Variants in MAP3K5 observed in about 807,000 individuals in gnomAD.
MAP3K5 encodes mitogen-activated protein kinase kinase kinase 5, also known as ASK-1.
MAP3K5 carries 56 observed loss-of-function variants against 158.7 expected under a neutral mutation model. That is an observed-to-expected ratio of 0.35 (90% CI 0.28 to 0.44). MAP3K5 has a LOEUF of 0.44. Ranked by LOEUF, MAP3K5 falls within the 20% of genes least tolerant of loss-of-function variation. The pLI is 1.00. For missense variants in MAP3K5, 1,294 were observed against 1,674.8 expected (o/e 0.77, Z 3.97); for synonymous variants, 579 against 601.7 (o/e 0.96, Z 0.55).
intron 2 of MAP3K5, among the ~76,000 whole-genome samples, chr6:136,707,532 T>C (rs1781128694): frequency 6.7e-6 from 1 of 149,056 alleles, no homozygotes; most frequent in Non-Finnish European, 1.5e-5. Flanking sequence ...TGGGGACCTA[T>C]GGAAGAGTGA....
chr6:136,718,127 G>A (rs1477848100), intron 2 of MAP3K5, among the ~76,000 whole-genome samples: 1 of 152,144 alleles, frequency 6.6e-6, no homozygotes, highest in Non-Finnish European at 1.5e-5. Flanking sequence ...ATTTCTTTGA[G>A]CTTCGGTTTG....
At chr6:136,594,577 A>T (rs1435085720) in intron 21 of MAP3K5, among the ~76,000 whole-genome samples, 1 of 152,212 alleles carries the variant, frequency 6.6e-6, no homozygotes, top group African/African-American at 2.4e-5. Context: ...TGATCTCTTT[A>T]CAAGAAGGGA....
chr6:136,788,313 ACCATAAGAGT>A (rs2115067131), intron 1 of MAP3K5, among the ~76,000 whole-genome samples: 1 of 152,310 alleles, frequency 6.6e-6, no homozygotes, highest in East Asian at 1.9e-4. Context: ...AAGACCTCAA[ACCATAAGAGT>A]CCTAGAAGAA....
intron 2 of MAP3K5, among the ~76,000 whole-genome samples, chr6:136,715,261 G>T (rs1339009082): frequency 6.6e-6 from 1 of 152,040 alleles, no homozygotes; most frequent in African/African-American, 2.4e-5. Flanking sequence ...ATAGAAAAAA[G>T]ACACTAAAAA....
At chr6:136,582,010 G>C (rs1243549935) in intron 24 of MAP3K5, among the ~76,000 whole-genome samples, 1 of 151,976 alleles carries the variant, frequency 6.6e-6, no homozygotes, top group Non-Finnish European at 1.5e-5. Flanking sequence ...TTGAACCCGG[G>C]AGGCAGAGGT....
At chr6:136,568,705 T>C (rs951995095) in intron 25 of MAP3K5, among the ~76,000 whole-genome samples, 3 of 151,730 alleles carry the variant, frequency 2.0e-5, no homozygotes, top group African/African-American at 7.3e-5. Context: ...AAACCCCATC[T>C]CTACTAAAAA....
intron 13 of MAP3K5, among the ~76,000 whole-genome samples, chr6:136,638,331 G>A (rs543836391): frequency 3.3e-5 from 5 of 152,250 alleles, no homozygotes; most frequent in Non-Finnish European, 5.9e-5. Context: ...TATAACACTC[G>A]ACAGTGGGAT....
intron 2 of MAP3K5, among the ~76,000 whole-genome samples, chr6:136,709,483 T>G (rs1043067336): frequency 6.6e-6 from 1 of 152,040 alleles, no homozygotes; most frequent in Non-Finnish European, 1.5e-5. Context: ...GATGCCCTCA[T>G]GCTCCCCCAG....
chr6:136,567,567 A>G, intron 26 of MAP3K5, 64 bp downstream of exon 26: 2 of 1,514,698 alleles, frequency 1.3e-6, no homozygotes, highest in Non-Finnish European at 1.8e-6. Context: ...CTGTAGACCA[A>G]AAACACATGC....
chr6:136,613,738 C>G lies in MAP3K5; in HGVS notation c.2278+421G>C, dbSNP rs573909441. Among the ~76,000 whole-genome samples, 35 of 152,120 alleles carry G rather than the reference C, an allele frequency of 2.3e-4. No homozygotes were observed. The highest frequency in any genetic ancestry group is 8.2e-4 in the African/African-American group (34 of 41,508). ...TGAATGGTGCCAAAGAAAAGATCCC[C>G]CGAGACCATTACCCCTCCTTATGGA... is the stretch of plus-strand genomic sequence containing the variant. On this transcript the variant is annotated intron_variant, in intron 16 of 29. Coordinates refer to ENST00000359015, the MANE Select transcript of MAP3K5 (RefSeq NM_005923.4). The surrounding 1 kb of genome is among the most constrained non-coding windows in gnomAD (Gnocchi z 4.0).
intron 18 of MAP3K5, among the ~76,000 whole-genome samples, chr6:136,608,153 G>T (rs1562542685): frequency 1.3e-5 from 2 of 152,122 alleles, no homozygotes; most frequent in African/African-American, 4.8e-5. Flanking sequence ...CCACGTTTCT[G>T]GCTCTGAGTA....
intron 14 of MAP3K5, among the ~76,000 whole-genome samples, chr6:136,629,800 T>TTTAC (rs1483519414): frequency 1.3e-5 from 1 of 78,904 alleles, no homozygotes; most frequent in African/African-American, 4.7e-5. Context: ...TATTTATTTA[T>TTTAC]TTATTTATTT....
intron 15 of MAP3K5, 44 bp from the exon 16 acceptor site, chr6:136,614,330 C>T (rs373520677): frequency 1.3e-6 from 2 of 1,594,142 alleles, no homozygotes; most frequent in South Asian, 2.2e-5. Flanking sequence ...TGTAGCCAGA[C>T]TTTACTGTAT....
chr6:136,558,144 C>G (rs149675228), intron 29 of MAP3K5, among the ~76,000 whole-genome samples: 186 of 152,162 alleles, frequency 1.2e-3, no homozygotes, highest in African/African-American at 4.2e-3. Context: ...TTTAGAAGGC[C>G]GAGGCAGGCA....
Position 136,697,502 on chromosome 6 carries a change from A to C in MAP3K5, c.807-115T>G, listed in dbSNP as rs878892842. ...GCAGCATTAGCTATAAAGCATTTGT[A>C]GTTTTCAGTTCATTCAGATGCCTAA... On this transcript the variant is annotated intron_variant, in intron 4 of 29. Transcript: ENST00000359015. The C allele has an allele frequency of 4.9e-5, 40 of 812,466 alleles. No homozygotes were observed. The South Asian group carries it at 8.3e-4, about 17-fold the overall frequency. The allele number at this position is 812,466 out of a possible 1,614,324, so 50.3% of individuals were successfully genotyped here. A position where few individuals can be genotyped will look rare whatever the true frequency, so the allele number is the denominator to read the frequency against.
At position 136,611,150 on chromosome 6, in the gene MAP3K5, AAAAG is replaced by A. The variant is rs1447395095; in HGVS notation, c.2521+128_2521+131del. 1.7e-5 allele frequency: 8 copies of A among 482,462 alleles called. No individual in the cohort carries two copies. In the East Asian group the frequency reaches 2.2e-4, roughly 13 times the overall value. The allele number at this position is 482,462 out of a possible 1,614,324, so 29.9% of individuals were successfully genotyped here. A position where few individuals can be genotyped will look rare whatever the true frequency, so the allele number is the denominator to read the frequency against. ...AAAAAAAAAAGAAAGAAAAGAAAAG[AAAAG>A]AAAGAAAAAAGATACCAACATTACT... On this transcript the variant is annotated intron_variant, in intron 18 of 29. Transcript: ENST00000359015.
At chr6:136,610,464 G>A (rs1776282167) in intron 18 of MAP3K5, among the ~76,000 whole-genome samples, 1 of 151,816 alleles carries the variant, frequency 6.6e-6, no homozygotes, top group African/African-American at 2.4e-5. Flanking sequence ...GAAATCCTAG[G>A]GTTATTTATA....
At chr6:136,715,557 T>A (rs903461185) in intron 2 of MAP3K5, among the ~76,000 whole-genome samples, 1 of 152,220 alleles carries the variant, frequency 6.6e-6, no homozygotes, top group African/African-American at 2.4e-5. Flanking sequence ...CACATGTCTA[T>A]CCTTTTATAA....
chr6:136,710,660 G>A (rs1003053650), intron 2 of MAP3K5, among the ~76,000 whole-genome samples: 2 of 152,166 alleles, frequency 1.3e-5, no homozygotes, highest in East Asian at 3.9e-4. Context: ...CGAAAGAAGT[G>A]GGAATAGCAG....
Sources: gnomAD v4.1 joint callset for allele counts (sites outside exome capture counted in the v4.1 genomes callset) on GRCh38, gnomAD v4.1.1 for gene constraint, Gnocchi (gnomAD v3.1) non-coding constraint, MANE v1.5 for transcripts, NCBI Gene and HGNC (gene_info 2026-07-23, HGNC 2026-07-21) for gene names.